Variants in GPR158 observed in about 807,000 individuals in gnomAD.
The protein encoded by GPR158 is G protein-coupled receptor 158, also known as metabotropic glycine receptor.
Under a neutral mutation model 78.2 loss-of-function variants are expected in GPR158, and 30 were observed. That is an observed-to-expected ratio of 0.38 (90% confidence interval 0.29 to 0.52). The LOEUF is 0.52. Ranked by LOEUF, GPR158 falls within the 20% of genes least tolerant of loss-of-function variation. The pLI, the probability that GPR158 is intolerant of heterozygous loss-of-function variation, is 0.83. For missense variants in GPR158, 1,463 were observed against 1,523.5 expected, an observed-to-expected ratio of 0.96 and a Z score of 0.66; for synonymous variants, 581 against 591.1, an observed-to-expected ratio of 0.98 and a Z score of 0.25.
intron 9 of GPR158, among the ~76,000 whole-genome samples, chr10:25,596,326 GAGTAA>G (rs1360189612): frequency 6.6e-6 from 1 of 152,114 alleles, no homozygotes. Flanking sequence ...ATATGTGGAA[GAGTAA>G]AGTAAAGATT....
At chr10:25,343,151 G>A (rs541915684) in intron 2 of GPR158, among the ~76,000 whole-genome samples, 1 of 152,062 alleles carries the variant, frequency 6.6e-6, no homozygotes, top group South Asian at 2.1e-4. Context: ...TCAAGTATTA[G>A]AAATGAATGT....
At chr10:25,561,166 T>C (rs1277744138) in intron 6 of GPR158, among the ~76,000 whole-genome samples, 1 of 152,214 alleles carries the variant, frequency 6.6e-6, no homozygotes, top group Non-Finnish European at 1.5e-5. Flanking sequence ...GTAATGATGC[T>C]ATTATGCAAC....
At chr10:25,287,952 A>G (rs1047092460) in intron 2 of GPR158, among the ~76,000 whole-genome samples, 2 of 151,070 alleles carry the variant, frequency 1.3e-5, no homozygotes, top group Non-Finnish European at 2.9e-5. Flanking sequence ...TACATCTGCA[A>G]ATCACCAAGT....
intron 2 of GPR158, among the ~76,000 whole-genome samples, chr10:25,239,953 A>G (rs530006821): frequency 2.0e-5 from 3 of 152,364 alleles, no homozygotes; most frequent in South Asian, 2.1e-4. Context: ...TGGAGATTTT[A>G]TAAAGTAGTA....
chr10:25,562,862 G>C (rs1444074394), intron 6 of GPR158, among the ~76,000 whole-genome samples: 1 of 152,156 alleles, frequency 6.6e-6, no homozygotes, highest in African/African-American at 2.4e-5. Flanking sequence ...CCATTACTGA[G>C]AGCAGGACCT....
At chr10:25,595,905 A>G (rs1837398589) in intron 9 of GPR158, among the ~76,000 whole-genome samples, 1 of 152,242 alleles carries the variant, frequency 6.6e-6, no homozygotes, top group South Asian at 2.1e-4. Context: ...TTCTATCTCA[A>G]TAAAAAGAGA....
At chr10:25,419,601 C>T (rs571251352) in intron 4 of GPR158, among the ~76,000 whole-genome samples, 2 of 152,286 alleles carry the variant, frequency 1.3e-5, no homozygotes, top group South Asian at 4.1e-4. Context: ...CCATTTTCCA[C>T]CAGTTTGGAA....
intron 2 of GPR158, among the ~76,000 whole-genome samples, chr10:25,239,476 C>A (rs1488384599): frequency 6.6e-6 from 1 of 151,994 alleles, no homozygotes. Flanking sequence ...GGCATGGTGG[C>A]AGGCACCTGT....
intron 7 of GPR158, among the ~76,000 whole-genome samples, chr10:25,573,745 T>G (rs1305520002): frequency 6.6e-6 from 1 of 152,206 alleles, no homozygotes; most frequent in Non-Finnish European, 1.5e-5. Flanking sequence ...CTCCCTCATA[T>G]TTTGCAGTTG....
At chr10:25,266,507 A>G (rs113453188) in intron 2 of GPR158, among the ~76,000 whole-genome samples, 81 of 152,304 alleles carry the variant, frequency 5.3e-4, no homozygotes, top group African/African-American at 1.8e-3. Context: ...ATTCGGTTCC[A>G]TTTAATGGAA....
intron 5 of GPR158, among the ~76,000 whole-genome samples, chr10:25,498,841 T>G (rs1588888161): frequency 6.6e-6 from 1 of 152,306 alleles, no homozygotes; most frequent in South Asian, 2.1e-4. Context: ...CAGTAGGTGC[T>G]GGATGGCACA....
At chr10:25,410,934 C>T (rs961304020) in intron 3 of GPR158, among the ~76,000 whole-genome samples, 1 of 152,134 alleles carries the variant, frequency 6.6e-6, no homozygotes, top group Non-Finnish European at 1.5e-5. Flanking sequence ...TTGAAAGAAA[C>T]TAAGACTTTC....
chr10:25,221,710 C>T (rs1853302102), intron 2 of GPR158, among the ~76,000 whole-genome samples: 1 of 152,202 alleles, frequency 6.6e-6, no homozygotes, highest in Non-Finnish European at 1.5e-5. Context: ...TAATAGGAAA[C>T]AGGCATGGAG....
chr10:25,574,836 G>C (rs917406410), intron 7 of GPR158, among the ~76,000 whole-genome samples: 6 of 152,100 alleles, frequency 3.9e-5, no homozygotes, highest in African/African-American at 1.4e-4. Flanking sequence ...AGTAAGCCGA[G>C]ATCATGCCAC....
chr10:25,350,142 T>G lies in GPR158; in HGVS notation c.1009-45769T>G, dbSNP rs78046630. Among the ~76,000 whole-genome samples the G allele has an allele frequency of 4.2e-3, 631 of 151,878 alleles. 21 individuals are homozygous for G. Among genetic ancestry groups the G allele is most frequent in the Admixed American group, 0.035 (539 of 15,234 alleles). Reference sequence around the variant, plus strand: ...GGCTGATTAAAAAAAAAAAGATGAATTAGAATAGATCATCTTAATTGGGTT... The same window carrying G: ...GGCTGATTAAAAAAAAAAAGATGAAGTAGAATAGATCATCTTAATTGGGTT... On this transcript the variant is annotated intron_variant, in intron 2 of 10. Coordinates refer to ENST00000376351, the MANE Select transcript of GPR158 (RefSeq NM_020752.3).
At chr10:25,423,458 T>C (rs998411011) in intron 4 of GPR158, among the ~76,000 whole-genome samples, 1 of 152,034 alleles carries the variant, frequency 6.6e-6, no homozygotes, top group African/African-American at 2.4e-5. Flanking sequence ...TACATCTGTA[T>C]ACATGTGCCA....
intron 2 of GPR158, among the ~76,000 whole-genome samples, chr10:25,358,063 T>A (rs1855577153): frequency 6.6e-6 from 1 of 152,062 alleles, no homozygotes; most frequent in Non-Finnish European, 1.5e-5. Flanking sequence ...ACTTTAAGAT[T>A]TGACTGTCCT....
chr10:25,588,969 C>T, intron 7 of GPR158, 38 bp from the exon 8 acceptor site: 1 of 1,429,232 alleles, frequency 7.0e-7, no homozygotes, highest in Non-Finnish European at 9.5e-7. Context: ...TATTTCTTCA[C>T]CTATAAAACT....
intron 2 of GPR158, among the ~76,000 whole-genome samples, chr10:25,248,143 G>A (rs539359857): frequency 0.018 from 2,661 of 147,224 alleles, 56 homozygotes; most frequent in African/African-American, 0.055. Context: ...CATATCCTTC[G>A]CCCACTTTTT....
Sources: allele counts gnomAD v4.1 joint callset (sites outside exome capture counted in the v4.1 genomes callset), GRCh38; gene constraint gnomAD v4.1.1; transcripts MANE v1.5; gene names NCBI Gene and HGNC (gene_info 2026-07-23, HGNC 2026-07-21).